The following TNKS variants were observed in gnomAD, a reference collection of about 807,000 sequenced individuals.
TNKS encodes the protein poly [ADP-ribose] polymerase tankyrase-1.
A neutral mutation model predicts 135.8 loss-of-function variants in TNKS; 72 were observed. The observed-to-expected ratio is 0.53, with a 90% confidence interval of 0.44 to 0.64. The LOEUF (loss-of-function observed/expected upper bound fraction) is 0.64. Among genes scored for constraint, TNKS ranks in the 30% least tolerant of loss-of-function variants. The pLI, the probability that TNKS is intolerant of heterozygous loss-of-function variation, is 0.00. For missense variants in TNKS, 1,769 were observed against 1,674.0 expected, an observed-to-expected ratio of 1.06 and a Z score of -0.99; for synonymous variants, 849 against 649.3, an observed-to-expected ratio of 1.31 and a Z score of -4.68.
At chr8:9,658,262 C>G (rs1416954722) in intron 3 of TNKS, 5 of 367,640 alleles carry the variant, frequency 1.4e-5, no homozygotes, top group African/African-American at 1.1e-4. Context: ...AGGCTGCAAT[C>G]TCGGCACTTT....
intron 1 of TNKS, among the ~76,000 whole-genome samples, chr8:9,563,193 CATCTT>C (rs1333181115): frequency 6.6e-6 from 1 of 152,054 alleles, no homozygotes; most frequent in Non-Finnish European, 1.5e-5. Flanking sequence ...CATTTTTTGT[CATCTT>C]AAATAAGCTC....
chr8:9,743,217 T>A (rs568677465), intron 17 of TNKS, among the ~76,000 whole-genome samples: 3 of 152,314 alleles, frequency 2.0e-5, no homozygotes, highest in Admixed American at 2.0e-4. Context: ...CAACTGTAGG[T>A]ATAGTGTTAC....
chr8:9,608,315 C>T (rs900118836), intron 2 of TNKS, among the ~76,000 whole-genome samples: 32 of 152,172 alleles, frequency 2.1e-4, no homozygotes, highest in African/African-American at 7.7e-4. Flanking sequence ...GGAATAATAT[C>T]TTAATGTTAT....
intron 3 of TNKS, among the ~76,000 whole-genome samples, chr8:9,624,746 CTAGGTGTCCT>C (rs1799992766): frequency 6.6e-6 from 1 of 151,986 alleles, no homozygotes; most frequent in African/African-American, 2.4e-5. Context: ...ACATTCGGCC[CTAGGTGTCCT>C]CAGGGGTACT....
intron 3 of TNKS, 156 bp from the exon 4 acceptor site, chr8:9,679,795 C>T: frequency 1.8e-6 from 1 of 564,616 alleles, no homozygotes. Context: ...GTGATGCTGC[C>T]TTCACAAGCT....
At chr8:9,724,323 C>T (rs1305237084) in intron 12 of TNKS, among the ~76,000 whole-genome samples, 1 of 152,062 alleles carries the variant, frequency 6.6e-6, no homozygotes, top group African/African-American at 2.4e-5. Flanking sequence ...TATGGTGGTG[C>T]ATGCCTATGG....
chr8:9,702,925 A>G (rs1222111610), intron 5 of TNKS, among the ~76,000 whole-genome samples: 1 of 152,160 alleles, frequency 6.6e-6, no homozygotes, highest in East Asian at 1.9e-4. Flanking sequence ...CTGAGACAGG[A>G]GAATCACTTG....
rs189504771 is a variant in TNKS, at chr8:9,616,411, T to G, written c.994+734T>G. ...CTTAGCATCTGAGTCCTGCTGCCTT[T>G]GCCCTCTTTTACTTAACTGACCTTC... On this transcript the variant is annotated intron_variant, in intron 3 of 26. Transcript: ENST00000310430. Among the ~76,000 whole-genome samples, 711 of 152,338 alleles carry G rather than the reference T, an allele frequency of 4.7e-3. 5 individuals carry two copies. The highest frequency in any genetic ancestry group is 8.4e-3 in the Non-Finnish European group (570 of 68,028).
intron 2 of TNKS, among the ~76,000 whole-genome samples, chr8:9,611,218 C>T (rs1799448854): frequency 6.6e-6 from 1 of 152,204 alleles, no homozygotes; most frequent in Non-Finnish European, 1.5e-5. Context: ...TTAGAAATCA[C>T]TTACTCTCTG....
At chr8:9,583,164 CA>C (rs35527299) in intron 2 of TNKS, among the ~76,000 whole-genome samples, 1,095 of 71,740 alleles carry the variant, frequency 0.015, 6 homozygotes, top group South Asian at 0.086. Flanking sequence ...GACTCTGTCT[CA>C]AAAAAAAAAA....
At chr8:9,589,710 G>A (rs1265344946) in intron 2 of TNKS, among the ~76,000 whole-genome samples, 3 of 152,250 alleles carry the variant, frequency 2.0e-5, no homozygotes, top group Non-Finnish European at 4.4e-5. Flanking sequence ...TGATATAGCG[G>A]GGCTGGGAGC....
At chr8:9,694,020 G>T (rs908585297) in intron 5 of TNKS, among the ~76,000 whole-genome samples, 3 of 152,154 alleles carry the variant, frequency 2.0e-5, no homozygotes, top group Non-Finnish European at 2.9e-5. Flanking sequence ...GGCCAAACTG[G>T]TTCTTCATCT....
intron 3 of TNKS, among the ~76,000 whole-genome samples, chr8:9,620,366 C>A (rs1187185132): frequency 6.6e-6 from 1 of 152,292 alleles, no homozygotes; most frequent in South Asian, 2.1e-4. Flanking sequence ...CCCTGGGCCA[C>A]ACCTTCATCC....
At chr8:9,713,917 A>G (rs1446536398) in intron 11 of TNKS, among the ~76,000 whole-genome samples, 1 of 152,140 alleles carries the variant, frequency 6.6e-6, no homozygotes, top group African/African-American at 2.4e-5. Context: ...CATGGTTTCC[A>G]TTTGATTCTG....
intron 2 of TNKS, among the ~76,000 whole-genome samples, chr8:9,595,438 C>G (rs763952933): frequency 6.6e-6 from 1 of 152,020 alleles, no homozygotes; most frequent in Non-Finnish European, 1.5e-5. Flanking sequence ...ACGTTGATGA[C>G]TTGTCTGCTT....
At chr8:9,584,737 T>C (rs914576314) in intron 2 of TNKS, among the ~76,000 whole-genome samples, 22 of 152,346 alleles carry the variant, frequency 1.4e-4, no homozygotes, top group Middle Eastern at 3.4e-3. Context: ...ACAGTTTACA[T>C]GTATACCACA....
chr8:9,670,570 G>C (rs1317915596), intron 3 of TNKS, among the ~76,000 whole-genome samples: 1 of 152,074 alleles, frequency 6.6e-6, no homozygotes, highest in African/African-American at 2.4e-5. Flanking sequence ...TAATGAAATT[G>C]GAGTCATTCC....
rs952376669 is a variant in TNKS at position 9,556,574 on chromosome 8, T to C, written c.635T>C (p.Met212Thr). The C allele has an allele frequency of 3.7e-6, 6 of 1,613,900 alleles. No individual in the cohort carries two copies. The highest frequency in any genetic ancestry group is 2.2e-5 in the South Asian group (2 of 91,086). Reference sequence around the variant, plus strand: ...GCGGCAAACGTAAATGCAAAGGACATGGCCGGCCGGAAGTCTTCTCCCCTG... The same window carrying C: ...GCGGCAAACGTAAATGCAAAGGACACGGCCGGCCGGAAGTCTTCTCCCCTG... ...VDAANVNAKD[M>T]AGRKSSPLHF... The change falls in exon 1 of 27, where the codon ATG becomes ACG. Residue 212 changes from methionine (M) to threonine (T), a missense_variant. Transcript: ENST00000310430.
intron 2 of TNKS, among the ~76,000 whole-genome samples, chr8:9,600,685 T>C (rs571936088): frequency 6.6e-6 from 1 of 152,324 alleles, no homozygotes; most frequent in South Asian, 2.1e-4. Context: ...AAAAGTTACA[T>C]GTAATGAGAC....
Sources: gnomAD v4.1 joint callset for allele counts (sites outside exome capture counted in the v4.1 genomes callset) on GRCh38, gnomAD v4.1.1 for gene constraint, MANE v1.5 for transcripts, NCBI Gene and HGNC (gene_info 2026-07-23, HGNC 2026-07-21) for gene names.